Variants in EDNRB observed in about 807,000 individuals in gnomAD.
The protein encoded by EDNRB is endothelin receptor type B.
In EDNRB, 18 loss-of-function variants were observed where a neutral mutation model predicts 46.4. The observed-to-expected ratio is 0.39, with a 90% CI of 0.27 to 0.57. EDNRB has a LOEUF of 0.57. Ranked by LOEUF, EDNRB falls within the 20% of genes least tolerant of loss-of-function variation. The pLI is 0.61. For synonymous variants in EDNRB, 213 were observed against 204.9 expected (o/e 1.04, Z -0.34); for missense variants, 434 against 537.5 (o/e 0.81, Z 1.90).
chr13:77,896,609 T>C lies in EDNRB; in HGVS notation c.*1591A>G. 6.5e-7 allele frequency: 1 copy of C among 1,539,004 alleles called. No homozygotes were observed. Among genetic ancestry groups the C allele is most frequent in the Non-Finnish European group, 8.8e-7 (1 of 1,142,352 alleles). On this transcript the variant is annotated 3_prime_UTR_variant, in exon 7 of 7. Transcript: ENST00000646607. The stretch of plus-strand genomic sequence containing the variant: ...ATTTGGGCATATTTTAAGACCGAGT[T>C]AAAGCTCTTGGGCCCAATTTATTTC...
intron 1 of EDNRB, among the ~76,000 whole-genome samples, chr13:77,924,905 C>T (rs1479137710): frequency 6.6e-6 from 1 of 152,170 alleles, no homozygotes; most frequent in East Asian, 1.9e-4. Flanking sequence ...TGACTTGCTC[C>T]TTCTTGCCTT....
At position 77,896,439 on chromosome 13, in the gene EDNRB, G is replaced by T; in HGVS notation, c.*1761C>A. The T allele has an allele frequency of 6.4e-7, 1 of 1,558,850 alleles. No homozygotes were observed. Among genetic ancestry groups the T allele is most frequent in the Non-Finnish European group, 8.7e-7 (1 of 1,150,328 alleles). ...TATAAATAGAATCCATATGGTGTGT[G>T]AATTAATTATTATTGCTCTTTCTTT... is the stretch of plus-strand genomic sequence containing the variant. On this transcript the variant is annotated 3_prime_UTR_variant, in exon 7 of 7. Transcript: ENST00000646607.
chr13:77,937,732 GA>G (rs200434699), intron 1 of EDNRB, among the ~76,000 whole-genome samples: 2,170 of 152,182 alleles, frequency 0.014, 45 homozygotes, highest in East Asian at 0.024. Context: ...AGCTGAGGAA[GA>G]ATTGGGACCT....
intron 1 of EDNRB, among the ~76,000 whole-genome samples, chr13:77,946,922 T>TG (rs1354881596): frequency 6.6e-6 from 1 of 152,156 alleles, no homozygotes; most frequent in Admixed American, 6.5e-5. Flanking sequence ...GGGTGAGAAA[T>TG]GGTTCTTTAA....
At chr13:77,945,629 G>T (rs562375312) in intron 1 of EDNRB, among the ~76,000 whole-genome samples, 2 of 152,272 alleles carry the variant, frequency 1.3e-5, no homozygotes, top group African/African-American at 4.8e-5. Context: ...TGAGAGGGCT[G>T]CAGGACTGAG....
intron 1 of EDNRB, among the ~76,000 whole-genome samples, chr13:77,946,386 T>C (rs974772099): frequency 5.3e-5 from 8 of 152,206 alleles, no homozygotes. Context: ...GCTAGCTATG[T>C]CATTACTTTC....
At chr13:77,936,338 A>G (rs1880563638) in intron 1 of EDNRB, among the ~76,000 whole-genome samples, 1 of 152,134 alleles carries the variant, frequency 6.6e-6, no homozygotes, top group African/African-American at 2.4e-5. Context: ...ACTAAAAAGG[A>G]GTGCTTAAAA....
At chr13:77,908,894 C>T (rs1418016878) in intron 1 of EDNRB, among the ~76,000 whole-genome samples, 1 of 152,004 alleles carries the variant, frequency 6.6e-6, no homozygotes, top group Non-Finnish European at 1.5e-5. Flanking sequence ...TGTTACCTAA[C>T]ATTGATCAAA....
chr13:77,924,851 T>G (rs61963113), intron 1 of EDNRB, among the ~76,000 whole-genome samples: 12,737 of 152,218 alleles, frequency 0.084, 705 homozygotes, highest in Non-Finnish European at 0.12. Flanking sequence ...ACGGGAGTTG[T>G]CCTGTACAAG....
At chr13:77,922,269 C>A (rs2068779), upstream of EDNRB, among the ~76,000 whole-genome samples, 2 of 152,082 alleles carry the variant, frequency 1.3e-5, no homozygotes, top group Admixed American at 1.3e-4. Flanking sequence ...GACAATGTCC[C>A]AGTATTTCCT....
chr13:77,956,462 A>G (rs1257399730), intron 1 of EDNRB, among the ~76,000 whole-genome samples: 3 of 152,188 alleles, frequency 2.0e-5, no homozygotes, highest in Non-Finnish European at 4.4e-5. Context: ...ATCCCCAAAC[A>G]CAGATAATTA....
rs1461681548 is a variant in EDNRB at position 77,972,522 on chromosome 13, T to C, written c.-52+2825A>G. 3.9e-5 allele frequency among the ~76,000 whole-genome samples: 6 copies of C among 152,204 alleles called. No individual in the cohort carries two copies. The East Asian group carries it at 1.2e-3, about 29-fold the overall frequency. On this transcript the variant is annotated intron_variant, in intron 1 of 7. Transcript: ENST00000646948. ...CCAACTATGGCATAAAAGCTCTATGTTGGGGGGCAAGACTCCTGGTTGGCA... is the reference window on the plus strand; with the variant it reads ...CCAACTATGGCATAAAAGCTCTATGCTGGGGGGCAAGACTCCTGGTTGGCA...
At chr13:77,935,917 C>T (rs1279374948) in intron 1 of EDNRB, among the ~76,000 whole-genome samples, 1 of 152,156 alleles carries the variant, frequency 6.6e-6, no homozygotes, top group Non-Finnish European at 1.5e-5. Context: ...ATTGATAAGG[C>T]ACAGATCCTG....
chr13:77,960,816 T>G (rs1242500375), intron 1 of EDNRB, among the ~76,000 whole-genome samples: 5 of 131,568 alleles, frequency 3.8e-5, no homozygotes, highest in Non-Finnish European at 7.8e-5. Flanking sequence ...GAGACACACA[T>G]AGGCTCAAAA....
At chr13:77,938,270 G>T (rs1302124789) in intron 1 of EDNRB, among the ~76,000 whole-genome samples, 1 of 151,894 alleles carries the variant, frequency 6.6e-6, no homozygotes, top group African/African-American at 2.4e-5. Flanking sequence ...AAGGAGTCAG[G>T]GCACAGAAAT....
chr13:77,909,428 A>G (rs913381194), intron 1 of EDNRB, among the ~76,000 whole-genome samples: 13 of 152,000 alleles, frequency 8.6e-5, no homozygotes. Flanking sequence ...TAAAAATCAC[A>G]TACTTGAGAT....
At chr13:77,904,207 C>T (rs1219022228) in intron 1 of EDNRB, among the ~76,000 whole-genome samples, 1 of 151,920 alleles carries the variant, frequency 6.6e-6, no homozygotes, top group Non-Finnish European at 1.5e-5. Context: ...GCTCTTTCCC[C>T]ACAGATTCAC....
chr13:77,925,902 C>T (rs1446727300), intron 1 of EDNRB, among the ~76,000 whole-genome samples: 3 of 152,238 alleles, frequency 2.0e-5, no homozygotes, highest in Non-Finnish European at 4.4e-5. Context: ...CCCTGCAAAG[C>T]CACAGGGGCA....
chr13:77,900,544 A>G lies in EDNRB; in HGVS notation c.1062T>C (p.Asp354=). The change falls in exon 5 of 7, where the codon GAT becomes GAC. Residue 354 remains aspartate (D), a synonymous_variant. Coordinates refer to ENST00000646607, the MANE Select transcript of EDNRB (RefSeq NM_001122659.3). ...ACCTCAAAAGTTCACATCTATTGGG[A>G]TCATTCTGATTATAAAGAGTGAGCT... The part of the protein sequence containing the change: ...ILKLTLYNQN[D]PNRCELLSFL... 6 of 1,612,530 alleles carry G rather than the reference A, an allele frequency of 3.7e-6. No individual in the cohort carries two copies. The highest frequency in any genetic ancestry group is 5.1e-6 in the Non-Finnish European group (6 of 1,179,028).
Sources: gnomAD v4.1 joint callset for allele counts (sites outside exome capture counted in the v4.1 genomes callset) on GRCh38, gnomAD v4.1.1 for gene constraint, MANE v1.5 for transcripts, NCBI Gene and HGNC (gene_info 2026-07-23, HGNC 2026-07-21) for gene names.